Variants in C10orf67 observed in about 807,000 individuals in gnomAD.
C10orf67 encodes uncharacterized protein C10orf67, mitochondrial.
A neutral mutation model predicts 35.6 loss-of-function variants in C10orf67; 60 were observed. That is an observed-to-expected ratio of 1.68 (90% confidence interval 1.37 to 2.09). The LOEUF is 2.09. Ranked by LOEUF, C10orf67 falls within the 30% of genes most tolerant of loss-of-function variation. C10orf67 has a pLI of 0.00. For synonymous variants in C10orf67, 167 were observed against 115.8 expected, an observed-to-expected ratio of 1.44 and a Z score of -2.84; for missense variants, 474 against 330.2, an observed-to-expected ratio of 1.44 and a Z score of -3.38.
chr10:23,334,137 T>A (rs1478628685), intron 1 of C10orf67, among the ~76,000 whole-genome samples: 6 of 152,186 alleles, frequency 3.9e-5, no homozygotes, highest in African/African-American at 1.4e-4. Context: ...TGCCAATAAT[T>A]TTTTAAGACT....
chr10:23,338,579 C>T lies in C10orf67; in HGVS notation c.207-5397G>A, dbSNP rs113681432. 2.0e-3 allele frequency among the ~76,000 whole-genome samples: 297 copies of T among 152,280 alleles called. 1 individual carries two copies. The highest frequency in any genetic ancestry group is 7.0e-3 in the African/African-American group (290 of 41,554). On this transcript the variant is annotated intron_variant, in intron 1 of 15. Coordinates refer to ENST00000636213, the MANE Select transcript of C10orf67 (RefSeq NM_001371909.1). Reference sequence around the variant, plus strand: ...ATCCATCATCACGGTATTCTCACAGCACCACTTCCCATCAAGGAACTCATT... The same window carrying T: ...ATCCATCATCACGGTATTCTCACAGTACCACTTCCCATCAAGGAACTCATT...
At chr10:23,211,809 G>T (rs1332325518) in intron 15 of C10orf67, among the ~76,000 whole-genome samples, 3 of 152,098 alleles carry the variant, frequency 2.0e-5, no homozygotes, top group African/African-American at 7.2e-5. Flanking sequence ...AGAGAACAAT[G>T]GTATAGTGAG....
rs111871503 is a variant in C10orf67 at position 23,328,322 on chromosome 10, A to G, written c.327+4740T>C. 2.1e-3 allele frequency among the ~76,000 whole-genome samples: 315 copies of G among 152,260 alleles called. 1 individual carries two copies. The highest frequency in any genetic ancestry group is 7.1e-3 in the African/African-American group (294 of 41,540). On this transcript the variant is annotated intron_variant, in intron 2 of 15. Transcript: ENST00000636213. Reference sequence around the variant, plus strand: ...TCTATAGCTCCTTGTAGGTCAAGTGATCATGTGATACAGTTACGGCCAAAG... The same window carrying G: ...TCTATAGCTCCTTGTAGGTCAAGTGGTCATGTGATACAGTTACGGCCAAAG...
At chr10:23,308,252 C>T (rs761599126) in intron 4 of C10orf67, among the ~76,000 whole-genome samples, 9 of 152,184 alleles carry the variant, frequency 5.9e-5, no homozygotes, top group African/African-American at 9.7e-5. Flanking sequence ...CTACAATCTT[C>T]GTACTTGCCT....
chr10:23,304,251 G>T (rs1844192113), intron 4 of C10orf67, among the ~76,000 whole-genome samples: 1 of 152,132 alleles, frequency 6.6e-6, no homozygotes, highest in African/African-American at 2.4e-5. Context: ...CCTTTAACTT[G>T]GTCCCAGCCC....
chr10:23,277,588 C>T (rs1281592171), intron 8 of C10orf67, among the ~76,000 whole-genome samples: 2 of 150,988 alleles, frequency 1.3e-5, no homozygotes, highest in Admixed American at 6.6e-5. Flanking sequence ...CACACGTATA[C>T]AAAATACACA....
intron 8 of C10orf67, among the ~76,000 whole-genome samples, chr10:23,275,787 A>G (rs1843170632): frequency 6.6e-6 from 1 of 152,164 alleles, no homozygotes; most frequent in Middle Eastern, 3.2e-3. Context: ...ATGCTTTTAC[A>G]AAGATGTTTG....
At chr10:23,227,770 A>C (rs1416957209) in intron 13 of C10orf67, among the ~76,000 whole-genome samples, 3 of 152,130 alleles carry the variant, frequency 2.0e-5, no homozygotes, top group Non-Finnish European at 2.9e-5. Flanking sequence ...GTGCAAAAAT[A>C]ACAAGCATTC....
chr10:23,269,302 CTA>C (rs1315526437), intron 8 of C10orf67, among the ~76,000 whole-genome samples: 1 of 152,102 alleles, frequency 6.6e-6, no homozygotes, highest in Non-Finnish European at 1.5e-5. Flanking sequence ...TGCAAAGTTT[CTA>C]TACTTTACAT....
intron 13 of C10orf67, among the ~76,000 whole-genome samples, chr10:23,233,514 C>T (rs1455231013): frequency 6.6e-6 from 1 of 152,242 alleles, no homozygotes; most frequent in East Asian, 1.9e-4. Flanking sequence ...TAAAAAGTAG[C>T]TGGTGAGGTT....
Position 23,282,089 on chromosome 10 carries a change from G to A in C10orf67, c.910-11C>T, listed in dbSNP as rs1269031896. 2 of 538,396 alleles carry A rather than the reference G, an allele frequency of 3.7e-6. No individual in the cohort carries two copies. Among genetic ancestry groups the A allele is most frequent in the East Asian group, 3.3e-5 (1 of 30,086 alleles). The allele number at this position is 538,396 out of a possible 1,614,324, so 33.4% of individuals were successfully genotyped here. On this transcript the variant is annotated splice_polypyrimidine_tract_variant and intron_variant, in intron 7 of 15. Coordinates refer to ENST00000636213, the MANE Select transcript of C10orf67 (RefSeq NM_001371909.1). The stretch of plus-strand genomic sequence containing the variant: ...TCTACTATCCATTAACTGAAATAGA[G>A]AAGAAATTATATTTTTATTAAAGAT...
chr10:23,242,883 C>A (rs1842219254), intron 12 of C10orf67, among the ~76,000 whole-genome samples: 3 of 151,756 alleles, frequency 2.0e-5, no homozygotes, highest in African/African-American at 7.3e-5. Flanking sequence ...AAACACAAAC[C>A]CAACTATCGT....
At chr10:23,226,091 A>G (rs918721923) in intron 13 of C10orf67, among the ~76,000 whole-genome samples, 3 of 152,226 alleles carry the variant, frequency 2.0e-5, no homozygotes, top group Admixed American at 1.3e-4. Context: ...AAGCAGACCT[A>G]ATAGACATCT....
At position 23,223,804 on chromosome 10, in the gene C10orf67, T is replaced by C; in HGVS notation, c.1449A>G (p.Leu483=). Reference sequence around the variant, plus strand: ...TCATGGTCGTTCTAGACTGCACTAATAAGGGTTTTACTTTCTGAAAGACAC... The same window carrying C: ...TCATGGTCGTTCTAGACTGCACTAACAAGGGTTTTACTTTCTGAAAGACAC... The part of the protein sequence containing the change: ...TSFNYIKVKP[L]LVQSRTTMTA... Residue 483 remains leucine, a synonymous_variant, in exon 14 of 16, where the codon TTA becomes TTG. Coordinates refer to ENST00000636213, the MANE Select transcript of C10orf67 (RefSeq NM_001371909.1). 1 of 715,288 alleles carries C rather than the reference T, an allele frequency of 1.4e-6. No individual in the cohort carries two copies. The highest frequency in any genetic ancestry group is 2.6e-6 in the Non-Finnish European group (1 of 384,912). 44.3% of individuals were successfully genotyped at this position (715,288 alleles called of 1,614,324 possible). A position where few individuals can be genotyped will look rare whatever the true frequency, so the allele number is the denominator to read the frequency against.
At chr10:23,216,766 A>C (rs1841442298) in intron 15 of C10orf67, among the ~76,000 whole-genome samples, 1 of 152,180 alleles carries the variant, frequency 6.6e-6, no homozygotes, top group Non-Finnish European at 1.5e-5. Flanking sequence ...AAAACATGCC[A>C]AATGATGTTA....
chr10:23,315,722 T>C (rs939386953), intron 4 of C10orf67, among the ~76,000 whole-genome samples: 1 of 152,234 alleles, frequency 6.6e-6, no homozygotes, highest in African/African-American at 2.4e-5. Flanking sequence ...ATTATAGGCA[T>C]GAGCCTGGCC....
chr10:23,222,016 T>A (rs1230179188), intron 15 of C10orf67, among the ~76,000 whole-genome samples: 3 of 152,204 alleles, frequency 2.0e-5, no homozygotes, highest in Non-Finnish European at 4.4e-5. Flanking sequence ...ACAGTGCTGA[T>A]TAATATTCAG....
At chr10:23,280,465 A>G (rs1053580214) in intron 8 of C10orf67, among the ~76,000 whole-genome samples, 4 of 152,148 alleles carry the variant, frequency 2.6e-5, no homozygotes, top group Non-Finnish European at 4.4e-5. Flanking sequence ...AATGCCTTGC[A>G]GGGATAGGGA....
chr10:23,221,091 G>A (rs555515729), intron 15 of C10orf67, among the ~76,000 whole-genome samples: 4 of 152,250 alleles, frequency 2.6e-5, no homozygotes, highest in South Asian at 2.1e-4. Context: ...ACCTGAGACT[G>A]GCTAATTCAT....
Sources: allele counts gnomAD v4.1 joint callset (sites outside exome capture counted in the v4.1 genomes callset), GRCh38; gene constraint gnomAD v4.1.1; transcripts MANE v1.5; gene names NCBI Gene and HGNC (gene_info 2026-07-23, HGNC 2026-07-21).